Variants in OR10H5 observed in about 807,000 individuals in gnomAD.
OR10H5 encodes the protein olfactory receptor 10H5.
In OR10H5, 7 loss-of-function variants were observed where a neutral mutation model predicts 12.2. That is an observed-to-expected ratio of 0.57 (90% CI 0.33 to 1.07). The LOEUF (loss-of-function observed/expected upper bound fraction) is 1.07. OR10H5 is among the 50% of genes least tolerant of loss of function. The pLI, the probability that OR10H5 is intolerant of heterozygous loss-of-function variation, is 0.04. For synonymous variants in OR10H5, 159 were observed against 175.1 expected, an observed-to-expected ratio of 0.91 and a Z score of 0.73; for missense variants, 346 against 411.6, an observed-to-expected ratio of 0.84 and a Z score of 1.38.
At chr19:15,793,382 C>T (rs1317103824) in intron 1 of OR10H5, among the ~76,000 whole-genome samples, 6 of 152,158 alleles carry the variant, frequency 3.9e-5, no homozygotes, top group South Asian at 4.1e-4. Context: ...CAGCCTCTGA[C>T]GTAGCTGGGA....
chr19:15,795,630 CT>C lies in OR10H5; in HGVS notation c.*640del. ...CGTGAGTCACCACACCCAGCCCTGA[CT>C]TTTTTACTGTAGACATCCCAGTGGT... On this transcript the variant is annotated 3_prime_UTR_variant, in exon 2 of 2. Transcript: ENST00000642092. 6.5e-6 allele frequency: 1 copy of C among 152,904 alleles called. No individual in the cohort carries two copies. The highest frequency in any genetic ancestry group is 1.5e-5 in the Non-Finnish European group (1 of 68,694). The allele number at this position is 152,904 out of a possible 1,614,324, so 9.5% of individuals were successfully genotyped here.
At position 15,793,916 on chromosome 19, in the gene OR10H5, C is replaced by T. The variant is rs1004803963; in HGVS notation, c.-11-122C>T. 3 of 821,522 alleles carry T rather than the reference C, an allele frequency of 3.7e-6. No individual in the cohort carries two copies. The African/African-American group carries it at 5.1e-5, about 14-fold the overall frequency. 50.9% of individuals were successfully genotyped at this position (821,522 alleles called of 1,614,324 possible). A position where few individuals can be genotyped will look rare whatever the true frequency, so the allele number is the denominator to read the frequency against. On this transcript the variant is annotated intron_variant, in intron 1 of 1. Coordinates refer to ENST00000642092, the MANE Select transcript of OR10H5 (RefSeq NM_001004466.2). The stretch of plus-strand genomic sequence containing the variant: ...TAAAAATAAATAACATATTTTTGCA[C>T]ATGGAGTAACCATGGCTTGGACAGA...
At chr19:15,789,235 G>C (rs2088797910) in intron 1 of OR10H5, among the ~76,000 whole-genome samples, 1 of 152,202 alleles carries the variant, frequency 6.6e-6, no homozygotes, top group Non-Finnish European at 1.5e-5. Context: ...ATAGGTGTGT[G>C]CAGAATGAGT....
At chr19:15,793,228 T>C (rs983596716) in intron 1 of OR10H5, among the ~76,000 whole-genome samples, 8 of 152,028 alleles carry the variant, frequency 5.3e-5, no homozygotes, top group African/African-American at 1.9e-4. Context: ...CAATCGATCC[T>C]CCCACCTCAG....
Position 15,797,653 on chromosome 19 carries a change from A to T in OR10H5, c.*2657A>T, listed in dbSNP as rs2088847025. On this transcript the variant is annotated 3_prime_UTR_variant, in exon 2 of 2. Coordinates refer to ENST00000642092, the MANE Select transcript of OR10H5 (RefSeq NM_001004466.2). ...TATTCTAGACCCTGAGGGCCAGGTC[A>T]GGGTGAGGTGAGGGAGACACCTCAC... The T allele has an allele frequency of 6.6e-6, 1 of 152,214 alleles. No homozygotes were observed. The highest frequency in any genetic ancestry group is 1.5e-5 in the Non-Finnish European group (1 of 68,034). 9.4% of individuals were successfully genotyped at this position (152,214 alleles called of 1,614,324 possible).
chr19:15,791,704 T>A (rs1021328815), intron 1 of OR10H5, among the ~76,000 whole-genome samples: 55 of 151,984 alleles, frequency 3.6e-4, no homozygotes, highest in African/African-American at 1.3e-3. Flanking sequence ...TATTTTTTTT[T>A]TTTTTTGAGA....
chr19:15,788,676 A>G (rs2088795635), intron 1 of OR10H5, among the ~76,000 whole-genome samples: 1 of 151,804 alleles, frequency 6.6e-6, no homozygotes. Flanking sequence ...TTTTGTAGAG[A>G]TGGGGTTTTG....
intron 1 of OR10H5, among the ~76,000 whole-genome samples, chr19:15,789,605 T>G (rs1412514038): frequency 6.6e-6 from 1 of 152,070 alleles, no homozygotes; most frequent in Admixed American, 6.6e-5. Context: ...CTGGGAGCCC[T>G]CAGCTGGGAG....
At chr19:15,789,835 G>A (rs1275692377) in intron 1 of OR10H5, among the ~76,000 whole-genome samples, 1 of 143,100 alleles carries the variant, frequency 7.0e-6, no homozygotes, top group African/African-American at 2.6e-5. Context: ...AGGCTGGAAT[G>A]TAGTGGCATG....
At position 15,794,490 on chromosome 19, in the gene OR10H5, T is replaced by C. The variant is rs1435669470; in HGVS notation, c.442T>C (p.Ser148Pro). ...GGGCTGCACCTGCCGGGTGGGCTGC[T>C]CCTGGGCTGGTGGCTTGGTCATGGG... is the stretch of plus-strand genomic sequence containing the variant. Reference protein sequence around the residue: ...LRGCTCRVGCSWAGGLVMGMV... With the variant: ...LRGCTCRVGCPWAGGLVMGMV... The change falls in exon 2 of 2, where the codon TCC becomes CCC. Residue 148 changes from serine to proline, a missense_variant. Coordinates refer to ENST00000642092, the MANE Select transcript of OR10H5 (RefSeq NM_001004466.2). 3 of 1,614,230 alleles carry C rather than the reference T, an allele frequency of 1.9e-6. No individual in the cohort carries two copies. Among genetic ancestry groups the C allele is most frequent in the South Asian group, 2.2e-5 (2 of 91,086 alleles).
chr19:15,788,754 C>G (rs1044713432), intron 1 of OR10H5, among the ~76,000 whole-genome samples: 15 of 152,158 alleles, frequency 9.9e-5, no homozygotes, highest in Non-Finnish European at 4.4e-5. Flanking sequence ...ACCTTGGTCT[C>G]CCACAGTGCT....
chr19:15,789,587 G>A (rs909463269), intron 1 of OR10H5, among the ~76,000 whole-genome samples: 1 of 152,098 alleles, frequency 6.6e-6, no homozygotes, highest in African/African-American at 2.4e-5. Context: ...ACCAGTCTGG[G>A]GTTCTGCCTG....
At position 15,798,645 on chromosome 19, in the gene OR10H5, C is replaced by A. The variant is rs1346528768; in HGVS notation, c.*3649C>A. The A allele has an allele frequency of 6.6e-6, 1 of 151,962 alleles. No individual in the cohort carries two copies. 9.4% of individuals were successfully genotyped at this position (151,962 alleles called of 1,614,324 possible). ...CTTTTCTTCCCCGGTGCTGGCCTAACCTCCTTGCATGTGGATAAAAATTCA... is the reference window on the plus strand; with the variant it reads ...CTTTTCTTCCCCGGTGCTGGCCTAAACTCCTTGCATGTGGATAAAAATTCA... On this transcript the variant is annotated 3_prime_UTR_variant, in exon 2 of 2. Coordinates refer to ENST00000642092, the MANE Select transcript of OR10H5 (RefSeq NM_001004466.2).
rs2088847280 is a variant in OR10H5 at position 15,797,674 on chromosome 19, C to T, written c.*2678C>T. On this transcript the variant is annotated 3_prime_UTR_variant, in exon 2 of 2. Transcript: ENST00000642092. ...GGTCAGGGTGAGGTGAGGGAGACAC[C>T]TCACCTCCTTTAAACATTATTTAAA... The T allele has an allele frequency of 6.6e-6, 1 of 151,950 alleles. No individual in the cohort carries two copies. Among genetic ancestry groups the T allele is most frequent in the African/African-American group, 2.4e-5 (1 of 41,360 alleles). 9.4% of individuals were successfully genotyped at this position (151,950 alleles called of 1,614,324 possible).
rs541816047 is a variant in OR10H5, at chr19:15,794,047, C to T, written c.-2C>T. The T allele has an allele frequency of 6.2e-7, 1 of 1,609,360 alleles. No homozygotes were observed. The highest frequency in any genetic ancestry group is 1.3e-5 in the African/African-American group (1 of 74,974). On this transcript the variant is annotated 5_prime_UTR_variant, in exon 2 of 2. Coordinates refer to ENST00000642092, the MANE Select transcript of OR10H5 (RefSeq NM_001004466.2). ...TCTCTCCACCAACTAGGGGTGGCCG[C>T]CATGCAGGGGCTAAACCACACCTCC...
chr19:15,788,599 ACT>A (rs2088795104), intron 1 of OR10H5, among the ~76,000 whole-genome samples: 1 of 152,182 alleles, frequency 6.6e-6, no homozygotes, highest in African/African-American at 2.4e-5. Context: ...CCCAGGCTCA[ACT>A]GATCCTCCCA....
intron 1 of OR10H5, 49 bp from the exon 2 acceptor site, chr19:15,793,989 C>T: frequency 6.6e-7 from 1 of 1,511,700 alleles, no homozygotes; most frequent in Non-Finnish European, 9.0e-7. Flanking sequence ...TCACTAGACA[C>T]CCCTGTGCTC....
Position 15,797,787 on chromosome 19 carries a change from C to A in OR10H5, c.*2791C>A. 6.6e-6 allele frequency: 1 copy of A among 151,936 alleles called. No homozygotes were observed. The allele number at this position is 151,936 out of a possible 1,614,324, so 9.4% of individuals were successfully genotyped here. On this transcript the variant is annotated 3_prime_UTR_variant, in exon 2 of 2. Coordinates refer to ENST00000642092, the MANE Select transcript of OR10H5 (RefSeq NM_001004466.2). ...ATTAGGCCGGGTGTGGTGGCTCACTCCTGTAATCCCAGCACTTTGGGAAGC... is the reference window on the plus strand; with the variant it reads ...ATTAGGCCGGGTGTGGTGGCTCACTACTGTAATCCCAGCACTTTGGGAAGC...
rs969834861 is a variant in OR10H5 at position 15,797,824 on chromosome 19, G to A, written c.*2828G>A. On this transcript the variant is annotated 3_prime_UTR_variant, in exon 2 of 2. Transcript: ENST00000642092. ...GCACTTTGGGAAGCCGAGGCAGGTG[G>A]ATCATTTGAAGTCAGGAGTTCGACA... The A allele has an allele frequency of 6.6e-6, 1 of 151,988 alleles. No individual in the cohort carries two copies. The highest frequency in any genetic ancestry group is 1.5e-5 in the Non-Finnish European group (1 of 68,014). 9.4% of individuals were successfully genotyped at this position (151,988 alleles called of 1,614,324 possible).
Sources: gnomAD v4.1 joint callset for allele counts (sites outside exome capture counted in the v4.1 genomes callset) on GRCh38, gnomAD v4.1.1 for gene constraint, MANE v1.5 for transcripts, NCBI Gene and HGNC (gene_info 2026-07-23, HGNC 2026-07-21) for gene names.